Variants in PLAGL1 observed in about 807,000 individuals in gnomAD.
The protein encoded by PLAGL1 is PLAG1 like zinc finger 1.
PLAGL1 carries 1 observed loss-of-function variant against 4.6 expected under a neutral mutation model. The ratio of observed to expected loss-of-function variants is 0.22; its 90% confidence interval spans 0.08 to 1.03. The LOEUF (loss-of-function observed/expected upper bound fraction) is 1.03. Ranked by LOEUF, PLAGL1 falls within the 50% of genes least tolerant of loss-of-function variation. PLAGL1 has a pLI of 0.58. For synonymous variants in PLAGL1, 240 were observed against 237.8 expected (o/e 1.01, Z -0.08); for missense variants, 464 against 570.4 (o/e 0.81, Z 1.90).
chr6:144,056,350 C>T lies in PLAGL1; in HGVS notation c.-151+8118G>A, dbSNP rs559191385. ...TGACACACCATTATCACCCAGCGTC[C>T]ATGGTTCACATTCGGGCTCACCTTG... On this transcript the variant is annotated intron_variant, in intron 1 of 3. Transcript: ENST00000437412. This position sits in a 1 kb window ranked among gnomAD's most constrained non-coding sequence, Gnocchi z 4.7. Among the ~76,000 whole-genome samples the T allele has an allele frequency of 1.4e-4, 21 of 152,176 alleles. No homozygotes were observed. Among genetic ancestry groups the T allele is most frequent in the Non-Finnish European group, 1.9e-4 (13 of 68,032 alleles).
intron 1 of PLAGL1, among the ~76,000 whole-genome samples, chr6:144,024,708 A>C (rs1217954061): frequency 6.6e-6 from 1 of 152,228 alleles, no homozygotes; most frequent in African/African-American, 2.4e-5. Flanking sequence ...GAAGTGCTCA[A>C]AAATAAAAAC....
At position 143,990,439 on chromosome 6, in the gene PLAGL1, G is replaced by A. The variant is rs1244781596; in HGVS notation, c.-583-5265C>T. ...CGGCTGATATTCCTCAATTTTTAAA[G>A]AACAAAACCTTCATTGACCTCCTGG... On this transcript the variant is annotated intron_variant, in intron 1 of 7. Coordinates refer to ENST00000674357, the MANE Select transcript of PLAGL1 (RefSeq NM_001317162.2). This position sits in a 1 kb window ranked among gnomAD's most constrained non-coding sequence, Gnocchi z 5.4. Among the ~76,000 whole-genome samples the A allele has an allele frequency of 6.6e-6, 1 of 152,018 alleles. No homozygotes were observed. Among genetic ancestry groups the A allele is most frequent in the Non-Finnish European group, 1.5e-5 (1 of 67,972 alleles).
At position 143,948,172 on chromosome 6, in the gene PLAGL1, C is replaced by T. The variant is rs1251858615; in HGVS notation, c.-36G>A. 2 of 1,598,334 alleles carry T rather than the reference C, an allele frequency of 1.3e-6. No homozygotes were observed. Among genetic ancestry groups the T allele is most frequent in the Admixed American group, 1.7e-5 (1 of 59,858 alleles). On this transcript the variant is annotated 5_prime_UTR_variant, in exon 7 of 8. Coordinates refer to ENST00000674357, the MANE Select transcript of PLAGL1 (RefSeq NM_001317162.2). The surrounding 1 kb of genome is among the most constrained non-coding windows in gnomAD (Gnocchi z 6.0). ...TCTCACACCTTCCTTTTCAGATGTG[C>T]TGACCAAATGCTGTGCCATTTAAGC...
chr6:144,016,206 A>G lies in PLAGL1; in HGVS notation c.-150-47228T>C, dbSNP rs1795554205. 1.3e-5 allele frequency among the ~76,000 whole-genome samples: 2 copies of G among 152,192 alleles called. No individual in the cohort carries two copies. The highest frequency in any genetic ancestry group is 2.9e-5 in the Non-Finnish European group (2 of 68,034). The stretch of plus-strand genomic sequence containing the variant: ...ACAATAGGCTGTCTGCAAGCTGAGG[A>G]GAAAGGAGAGCCAGTCCGAGTCCCA... On this transcript the variant is annotated intron_variant, in intron 1 of 3. Coordinates refer to the PLAGL1 transcript ENST00000437412. This position sits in a 1 kb window ranked among gnomAD's most constrained non-coding sequence, Gnocchi z 4.2.
chr6:144,052,902 T>C (rs781615180), intron 1 of PLAGL1, among the ~76,000 whole-genome samples: 2 of 152,164 alleles, frequency 1.3e-5, no homozygotes, highest in African/African-American at 2.4e-5. Flanking sequence ...ATGTAAAAAA[T>C]TGAACTACTC....
intron 1 of PLAGL1, among the ~76,000 whole-genome samples, chr6:144,037,904 T>A (rs969432509): frequency 6.6e-6 from 1 of 152,202 alleles, no homozygotes; most frequent in African/African-American, 2.4e-5. Flanking sequence ...AGGCTACAAT[T>A]TCCCCCCTTA....
intron 1 of PLAGL1, among the ~76,000 whole-genome samples, chr6:144,017,936 T>C (rs554573089): frequency 1.2e-3 from 182 of 152,272 alleles, no homozygotes; most frequent in African/African-American, 4.1e-3. Context: ...ACTCCTTCCC[T>C]AGCCAGCCTA....
rs555355804 is a variant in PLAGL1 at position 144,022,293 on chromosome 6, T to C, written c.-151+42175A>G. On this transcript the variant is annotated intron_variant, in intron 1 of 3. Transcript: ENST00000437412. The surrounding 1 kb of genome is among the most constrained non-coding windows in gnomAD (Gnocchi z 4.2). ...GGCATGTAAGCATATGAAAAGATGT[T>C]CAGCATCATTTGTCTTTAGGAAAAT... 4.6e-5 allele frequency among the ~76,000 whole-genome samples: 7 copies of C among 152,366 alleles called. No individual in the cohort carries two copies. The South Asian group carries it at 1.2e-3, about 27-fold the overall frequency.
intron 1 of PLAGL1, among the ~76,000 whole-genome samples, chr6:144,026,652 G>A (rs1042148143): frequency 2.0e-5 from 3 of 152,066 alleles, no homozygotes; most frequent in Non-Finnish European, 4.4e-5. Context: ...ACCCAAGCCC[G>A]ACTTGTCCAA....
chr6:143,985,182 CA>C lies in PLAGL1; in HGVS notation c.-583-9del, dbSNP rs1788740853. On this transcript the variant is annotated splice_polypyrimidine_tract_variant and intron_variant, in intron 1 of 7. Transcript: ENST00000674357. This position sits in a 1 kb window ranked among gnomAD's most constrained non-coding sequence, Gnocchi z 4.4. Reference sequence around the variant, plus strand: ...GAATCAGGCAGGAACAATCTGCAAACAAAAATAAAAATTACTAGTTTTGTAT... The same window carrying C: ...GAATCAGGCAGGAACAATCTGCAAACAAAATAAAAATTACTAGTTTTGTAT... 1 of 152,032 alleles carries C rather than the reference CA, an allele frequency of 6.6e-6. No homozygotes were observed. The highest frequency in any genetic ancestry group is 1.9e-4 in the East Asian group (1 of 5,202). The allele number at this position is 152,032 out of a possible 1,614,324, so 9.4% of individuals were successfully genotyped here. A position where few individuals can be genotyped will look rare whatever the true frequency, so the allele number is the denominator to read the frequency against.
intron 1 of PLAGL1, among the ~76,000 whole-genome samples, chr6:144,051,211 C>A (rs183478582): frequency 4.6e-5 from 7 of 152,224 alleles, no homozygotes; most frequent in Non-Finnish European, 7.4e-5. Flanking sequence ...TTTCAGAAAA[C>A]AATGAATCCA....
Position 144,027,245 on chromosome 6 carries a change from AAGAAAGAAAG to A in PLAGL1, c.-151+37213_-151+37222del, listed in dbSNP as rs1796424307. ...ACTCAAAGAACGAACGAAAGAAAGAAAGAAAGAAAGAAAGAAAGAAAGAAAGAAAGAAAGA... is the reference window on the plus strand; with the variant it reads ...ACTCAAAGAACGAACGAAAGAAAGAAAAAGAAAGAAAGAAAGAAAGAAAGA... On this transcript the variant is annotated intron_variant, in intron 1 of 3. Coordinates refer to the PLAGL1 transcript ENST00000437412. The surrounding 1 kb of genome is among the most constrained non-coding windows in gnomAD (Gnocchi z 5.8). 7.9e-6 allele frequency among the ~76,000 whole-genome samples: 1 copy of A among 126,990 alleles called. No individual in the cohort carries two copies. The highest frequency in any genetic ancestry group is 2.8e-5 in the African/African-American group (1 of 35,258). 83.3% of individuals were successfully genotyped at this position (126,990 alleles called of 152,430 possible). A position where few individuals can be genotyped will look rare whatever the true frequency, so the allele number is the denominator to read the frequency against.
chr6:144,060,184 A>C (rs919030403), intron 1 of PLAGL1, among the ~76,000 whole-genome samples: 5 of 152,094 alleles, frequency 3.3e-5, no homozygotes, highest in African/African-American at 1.2e-4. Context: ...AGTAGCTGGG[A>C]CTACAGGCGT....
In PLAGL1 at chr6:143,942,529, C is replaced by T; in HGVS notation, c.287G>A (p.Cys96Tyr). ...CAGCATGGTGTTGTACTTCTTCCCA[C>T]ACTCCTCACACCCAAAGGCCATTTT... ...PNKMAFGCEE[C>Y]GKKYNTMLGY... Residue 96 changes from cysteine to tyrosine, a missense_variant, in exon 8 of 8, where the codon TGT becomes TAT. Cys to Tyr is a radical substitution (Grantham distance 194). This residue lies in a region of PLAGL1 where 161 missense variants were observed against 196.7 expected (regional missense o/e 0.82). Coordinates refer to ENST00000674357, the MANE Select transcript of PLAGL1 (RefSeq NM_001317162.2). The surrounding 1 kb of genome is among the most constrained non-coding windows in gnomAD (Gnocchi z 7.6). 1 of 1,614,158 alleles carries T rather than the reference C, an allele frequency of 6.2e-7. No individual in the cohort carries two copies. Among genetic ancestry groups the T allele is most frequent in the Non-Finnish European group, 8.5e-7 (1 of 1,180,034 alleles).
chr6:143,999,893 T>A (rs972181140), intron 1 of PLAGL1, among the ~76,000 whole-genome samples: 1 of 152,224 alleles, frequency 6.6e-6, no homozygotes, highest in African/African-American at 2.4e-5. Flanking sequence ...CCCCTTTTTA[T>A]GTATTAACTC....
chr6:143,977,352 A>ATGCCT (rs1786826349), intron 2 of PLAGL1, among the ~76,000 whole-genome samples: 2 of 151,546 alleles, frequency 1.3e-5, no homozygotes, highest in African/African-American at 4.8e-5. Flanking sequence ...ATTATATAGT[A>ATGCCT]TGCAGCCTTT....
chr6:144,058,015 A>G (rs1403540757), intron 1 of PLAGL1, among the ~76,000 whole-genome samples: 1 of 152,230 alleles, frequency 6.6e-6, no homozygotes, highest in Non-Finnish European at 1.5e-5. Flanking sequence ...TGTCATTTCC[A>G]AAATATCATT....
chr6:143,976,863 A>G (rs1449117068), intron 2 of PLAGL1, among the ~76,000 whole-genome samples: 3 of 152,134 alleles, frequency 2.0e-5, no homozygotes, highest in Admixed American at 6.5e-5. Flanking sequence ...TTAATTTGAG[A>G]CCATTCTTCT....
intron 1 of PLAGL1, among the ~76,000 whole-genome samples, chr6:144,030,750 T>C (rs1796758186): frequency 6.6e-6 from 1 of 152,242 alleles, no homozygotes; most frequent in Non-Finnish European, 1.5e-5. Flanking sequence ...TGTTGACTGA[T>C]GGGCATTTGG....
Sources: allele counts gnomAD v4.1 joint callset (sites outside exome capture counted in the v4.1 genomes callset), GRCh38; gene constraint gnomAD v4.1.1; regional missense constraint gnomAD v4.1.1; non-coding constraint Gnocchi (gnomAD v3.1); transcripts MANE v1.5; gene names NCBI Gene and HGNC (gene_info 2026-07-23, HGNC 2026-07-21).